FAM240B: variants seen among roughly 807,000 people sequenced by gnomAD.
The protein encoded by FAM240B is protein FAM240B.
chr9:38,708,992 T>A (rs1259769195), intron 1 of FAM240B, among the ~76,000 whole-genome samples: 1 of 152,062 alleles, frequency 6.6e-6, no homozygotes, highest in Non-Finnish European at 1.5e-5. Context: ...AAGCTCTTGG[T>A]GATGAGTTTC....
chr9:38,706,639 C>T (rs966641253), intron 1 of FAM240B, among the ~76,000 whole-genome samples: 2 of 152,078 alleles, frequency 1.3e-5, no homozygotes, highest in Non-Finnish European at 2.9e-5. Context: ...GTAAGGGAAA[C>T]GCTCACATCC....
chr9:38,703,192 T>C (rs1821150357), intron 2 of FAM240B, among the ~76,000 whole-genome samples: 1 of 152,194 alleles, frequency 6.6e-6, no homozygotes, highest in South Asian at 2.1e-4. Context: ...ATTGGTGATA[T>C]TTTCTATTTT....
At chr9:38,713,123 G>A (rs1373192815) in intron 1 of FAM240B, among the ~76,000 whole-genome samples, 2 of 152,224 alleles carry the variant, frequency 1.3e-5, no homozygotes, top group African/African-American at 4.8e-5. Context: ...CCCAGTAGAG[G>A]AGTGATAGGT....
chr9:38,695,251 G>C (rs1464794899), intron 2 of FAM240B, among the ~76,000 whole-genome samples: 1 of 152,250 alleles, frequency 6.6e-6, no homozygotes, highest in Non-Finnish European at 1.5e-5. Flanking sequence ...AGGCATGGCG[G>C]CTCACGCATG....
At chr9:38,702,138 C>T (rs557807770) in intron 2 of FAM240B, among the ~76,000 whole-genome samples, 1 of 152,040 alleles carries the variant, frequency 6.6e-6, no homozygotes, top group Non-Finnish European at 1.5e-5. Flanking sequence ...GACTGGGGGA[C>T]GGAAGATGGT....
intron 2 of FAM240B, among the ~76,000 whole-genome samples, chr9:38,698,005 T>G (rs10973977): frequency 0.2 from 30,459 of 152,226 alleles, 3,168 homozygotes; most frequent in South Asian, 0.31. Context: ...TGCCCACTTG[T>G]TTGTGTATTT....
chr9:38,703,154 A>G (rs546665326), intron 2 of FAM240B, among the ~76,000 whole-genome samples: 27 of 152,350 alleles, frequency 1.8e-4, no homozygotes, highest in African/African-American at 6.5e-4. Flanking sequence ...AAACCCTGGT[A>G]TACTCTCAAG....
intron 1 of FAM240B, 28 bp from the exon 2 acceptor site, chr9:38,704,030 A>T (rs1196841340): frequency 5.0e-6 from 2 of 398,066 alleles, no homozygotes; most frequent in Admixed American, 8.8e-5. Context: ...AGCAAATCCC[A>T]CTTCTTTAAA....
rs1821159454 is a variant in FAM240B, at chr9:38,703,955, A to G, written c.45T>C (p.Thr15=). The G allele has an allele frequency of 5.0e-6, 2 of 400,534 alleles. No individual in the cohort carries two copies. The highest frequency in any genetic ancestry group is 4.4e-5 in the Admixed American group (1 of 22,726). 24.8% of individuals were successfully genotyped at this position (400,534 alleles called of 1,614,324 possible). A position where few individuals can be genotyped will look rare whatever the true frequency, so the allele number is the denominator to read the frequency against. ...CCCAGAAGCTTTTGAGCTCATGACAAGTTCCACAGCAGAAGACTTCTCGAC... is the reference window on the plus strand; with the variant it reads ...CCCAGAAGCTTTTGAGCTCATGACAGGTTCCACAGCAGAAGACTTCTCGAC... The part of the protein sequence containing the change: ...YIRREVFCCG[T]CHELKSFWEK... Residue 15 remains threonine, a synonymous_variant, in exon 2 of 3, where the codon ACT becomes ACC. Coordinates refer to ENST00000637493, the MANE Select transcript of FAM240B (RefSeq NM_001394922.1).
intron 1 of FAM240B, among the ~76,000 whole-genome samples, chr9:38,708,297 G>A (rs563645262): frequency 3.9e-5 from 6 of 152,172 alleles, no homozygotes; most frequent in South Asian, 4.2e-4. Context: ...TCCTTCCTAC[G>A]CTGTCTCATG....
chr9:38,705,682 C>T (rs1821183208), intron 1 of FAM240B: 2 of 151,640 alleles, frequency 1.3e-5, no homozygotes, highest in African/African-American at 4.8e-5. Context: ...TTGTATTACA[C>T]TTATATGTAT....
intron 1 of FAM240B, among the ~76,000 whole-genome samples, chr9:38,713,146 A>T (rs1821272927): frequency 6.6e-6 from 1 of 152,146 alleles, no homozygotes. Flanking sequence ...CACTCCAGGG[A>T]TCATGATGAG....
At chr9:38,701,918 A>G (rs1473188922) in intron 2 of FAM240B, among the ~76,000 whole-genome samples, 11 of 152,086 alleles carry the variant, frequency 7.2e-5, no homozygotes, top group Admixed American at 5.9e-4. Flanking sequence ...ACACACACAC[A>G]CACACAATCT....
At chr9:38,699,789 G>A (rs923642169) in intron 2 of FAM240B, among the ~76,000 whole-genome samples, 1 of 152,236 alleles carries the variant, frequency 6.6e-6, no homozygotes, top group Non-Finnish European at 1.5e-5. Flanking sequence ...ACCACACTAT[G>A]TAAAGAAGAG....
chr9:38,710,044 A>C (rs1353558135), intron 1 of FAM240B, among the ~76,000 whole-genome samples: 4 of 152,126 alleles, frequency 2.6e-5, no homozygotes, highest in Non-Finnish European at 5.9e-5. Flanking sequence ...ATCTCGGCTC[A>C]CTGCAACCTC....
At chr9:38,699,283 G>A (rs1821097341) in intron 2 of FAM240B, among the ~76,000 whole-genome samples, 1 of 152,200 alleles carries the variant, frequency 6.6e-6, no homozygotes, top group African/African-American at 2.4e-5. Flanking sequence ...TATTCCTGGA[G>A]TGGGTGAGGA....
intron 1 of FAM240B, among the ~76,000 whole-genome samples, chr9:38,717,528 T>C (rs1460550043): frequency 6.6e-6 from 1 of 152,234 alleles, no homozygotes; most frequent in Non-Finnish European, 1.5e-5. Flanking sequence ...TTGCCCAGGC[T>C]GGAGTGCAGT....
chr9:38,703,157 C>T (rs1821149768), intron 2 of FAM240B, among the ~76,000 whole-genome samples: 1 of 152,198 alleles, frequency 6.6e-6, no homozygotes, highest in Non-Finnish European at 1.5e-5. Flanking sequence ...CCCTGGTATA[C>T]TCTCAAGACT....
chr9:38,710,063 G>A lies in FAM240B; in HGVS notation c.-3-6061C>T, dbSNP rs952930623. On this transcript the variant is annotated intron_variant, in intron 1 of 2. Transcript: ENST00000637493. ...CGGCTCACTGCAACCTCCGCCTCCC[G>A]GGTTCAAGCAATTCTCCTGCCTTAG... is the stretch of plus-strand genomic sequence containing the variant. 5.9e-5 allele frequency among the ~76,000 whole-genome samples: 9 copies of A among 152,096 alleles called. No homozygotes were observed. In the East Asian group the frequency reaches 1.2e-3, roughly 20 times the overall value.
Sources: allele counts gnomAD v4.1 joint callset (sites outside exome capture counted in the v4.1 genomes callset), GRCh38; gene constraint gnomAD v4.1.1; transcripts MANE v1.5; gene names NCBI Gene and HGNC (gene_info 2026-07-23, HGNC 2026-07-21).